Variants in RAB28 observed in about 807,000 individuals in gnomAD.
The protein encoded by RAB28 is RAB28, member RAS oncogene family, also known as ras-related protein Rab-28.
Under a neutral mutation model 31.7 loss-of-function variants are expected in RAB28, and 24 were observed. That is an observed-to-expected ratio of 0.76 (90% CI 0.55 to 1.06). The LOEUF is 1.06. Ranked by LOEUF, RAB28 falls within the 50% of genes least tolerant of loss-of-function variation. RAB28 has a pLI of 0.00. For synonymous variants in RAB28, 100 were observed against 90.4 expected, an observed-to-expected ratio of 1.11 and a Z score of -0.60; for missense variants, 254 against 258.5, an observed-to-expected ratio of 0.98 and a Z score of 0.12.
intron 3 of RAB28, among the ~76,000 whole-genome samples, chr4:13,468,900 G>A (rs933440519): frequency 4.0e-5 from 6 of 151,612 alleles, no homozygotes; most frequent in African/African-American, 1.2e-4. Context: ...TTTCACTACC[G>A]ATCCCATAGA....
chr4:13,453,519 T>A (rs1367094795), intron 4 of RAB28, among the ~76,000 whole-genome samples: 1 of 152,170 alleles, frequency 6.6e-6, no homozygotes, highest in Non-Finnish European at 1.5e-5. Flanking sequence ...CCTTGAACAT[T>A]TTTTCTAAGG....
chr4:13,445,044 T>C (rs1031060136), intron 4 of RAB28, among the ~76,000 whole-genome samples: 3 of 152,148 alleles, frequency 2.0e-5, no homozygotes, highest in Non-Finnish European at 2.9e-5. Context: ...TCTTTATACA[T>C]AGTACCATAT....
chr4:13,408,450 C>A (rs1354079483), intron 4 of RAB28, among the ~76,000 whole-genome samples: 5 of 152,148 alleles, frequency 3.3e-5, no homozygotes, highest in African/African-American at 1.2e-4. Flanking sequence ...TGATGGTCAT[C>A]AGGGATATTG....
intron 4 of RAB28, among the ~76,000 whole-genome samples, chr4:13,395,538 A>C (rs2108895159): frequency 6.6e-6 from 1 of 152,246 alleles, no homozygotes; most frequent in Non-Finnish European, 1.5e-5. Flanking sequence ...GTATACAATT[A>C]CTTTTCTTTT....
chr4:13,482,100 T>C (rs1716631908), intron 1 of RAB28, among the ~76,000 whole-genome samples: 1 of 152,098 alleles, frequency 6.6e-6, no homozygotes, highest in Admixed American at 6.5e-5. Flanking sequence ...ATAATGAAGA[T>C]TAAGTCAGAG....
intron 6 of RAB28, among the ~76,000 whole-genome samples, chr4:13,375,132 AC>A (rs1324269961): frequency 1.3e-5 from 2 of 152,074 alleles, no homozygotes; most frequent in African/African-American, 4.8e-5. Context: ...TGTCAGAGAG[AC>A]CTGGGTGCAA....
intron 5 of RAB28, among the ~76,000 whole-genome samples, chr4:13,379,585 TA>T (rs1321445849): frequency 1.3e-5 from 2 of 152,150 alleles, no homozygotes; most frequent in Non-Finnish European, 2.9e-5. Context: ...CAATGTCTTG[TA>T]GGTCTTGCTA....
chr4:13,479,746 G>C (rs980815606), intron 1 of RAB28, among the ~76,000 whole-genome samples: 2 of 151,482 alleles, frequency 1.3e-5, no homozygotes, highest in Non-Finnish European at 3.0e-5. Context: ...TAATGAGTTA[G>C]ATCTCTTTAA....
At chr4:13,463,616 A>ATT (rs1359064499) in intron 3 of RAB28, among the ~76,000 whole-genome samples, 1 of 152,006 alleles carries the variant, frequency 6.6e-6, no homozygotes, top group African/African-American at 2.4e-5. Context: ...GTGTCCCAAC[A>ATT]TTTTTCAGTT....
At chr4:13,373,608 T>C (rs895698742) in intron 6 of RAB28, among the ~76,000 whole-genome samples, 2 of 152,152 alleles carry the variant, frequency 1.3e-5, no homozygotes, top group Non-Finnish European at 2.9e-5. Flanking sequence ...CACTTTCTTT[T>C]CTCTCTCTTC....
intron 4 of RAB28, among the ~76,000 whole-genome samples, chr4:13,453,926 T>C (rs1485023361): frequency 6.6e-6 from 1 of 152,202 alleles, no homozygotes; most frequent in Non-Finnish European, 1.5e-5. Flanking sequence ...CTACAACTTG[T>C]CTCTTCTCTT....
At chr4:13,373,941 A>G (rs1010880353) in intron 6 of RAB28, among the ~76,000 whole-genome samples, 8 of 151,878 alleles carry the variant, frequency 5.3e-5, no homozygotes, top group Middle Eastern at 3.4e-3. Context: ...GTGTGTATAT[A>G]TATGTATGTA....
intron 4 of RAB28, among the ~76,000 whole-genome samples, chr4:13,422,445 AC>A (rs1210975169): frequency 6.6e-6 from 1 of 152,202 alleles, no homozygotes; most frequent in African/African-American, 2.4e-5. Context: ...AGACACATGC[AC>A]ACCTATGTTT....
chr4:13,434,233 T>C (rs1452997836), intron 4 of RAB28, among the ~76,000 whole-genome samples: 4 of 152,182 alleles, frequency 2.6e-5, no homozygotes, highest in African/African-American at 4.8e-5. Flanking sequence ...ACCTGGGTGA[T>C]GGGATCAATC....
chr4:13,383,144 T>TA (rs1391815078), intron 4 of RAB28, among the ~76,000 whole-genome samples: 1 of 152,218 alleles, frequency 6.6e-6, no homozygotes, highest in Non-Finnish European at 1.5e-5. Flanking sequence ...AATACTAAGC[T>TA]ATTAGCACTG....
chr4:13,419,929 C>T (rs1016883849), intron 4 of RAB28, among the ~76,000 whole-genome samples: 2 of 149,242 alleles, frequency 1.3e-5, no homozygotes, highest in East Asian at 3.9e-4. Flanking sequence ...AATAGAGACA[C>T]AAAAAACCCT....
intron 4 of RAB28, among the ~76,000 whole-genome samples, chr4:13,391,568 G>A (rs1288961728): frequency 6.6e-6 from 1 of 152,070 alleles, no homozygotes; most frequent in Non-Finnish European, 1.5e-5. Flanking sequence ...TATACCCAAA[G>A]GATTATAAAT....
At chr4:13,383,600 T>C (rs1486405258) in intron 4 of RAB28, among the ~76,000 whole-genome samples, 3 of 152,156 alleles carry the variant, frequency 2.0e-5, no homozygotes, top group Non-Finnish European at 4.4e-5. Context: ...GGCTGTGTCC[T>C]CATCCAAATC....
chr4:13,402,456 AC>A (rs1217199282), intron 4 of RAB28, among the ~76,000 whole-genome samples: 2 of 152,192 alleles, frequency 1.3e-5, no homozygotes, highest in Non-Finnish European at 2.9e-5. Context: ...GAATTGTTAT[AC>A]CTTTTTGTGA....
Sources: gnomAD v4.1 joint callset for allele counts (sites outside exome capture counted in the v4.1 genomes callset) on GRCh38, gnomAD v4.1.1 for gene constraint, MANE v1.5 for transcripts, NCBI Gene and HGNC (gene_info 2026-07-23, HGNC 2026-07-21) for gene names.